MAPK1IP1L: variants seen among roughly 807,000 people sequenced by gnomAD.
The protein encoded by MAPK1IP1L is mitogen-activated protein kinase 1 interacting protein 1 like.
In MAPK1IP1L, 10 loss-of-function variants were observed where a neutral mutation model predicts 18.1. The ratio of observed to expected loss-of-function variants is 0.55; its 90% CI spans 0.34 to 0.94. The LOEUF is 0.94. Among genes scored for constraint, MAPK1IP1L ranks in the 40% least tolerant of loss-of-function variants. MAPK1IP1L has a pLI of 0.02. For missense variants in MAPK1IP1L, 260 were observed against 318.2 expected, an observed-to-expected ratio of 0.82 and a Z score of 1.39; for synonymous variants, 115 against 117.3, an observed-to-expected ratio of 0.98 and a Z score of 0.13.
At chr14:55,059,062 G>A (rs923764535) in intron 1 of MAPK1IP1L, among the ~76,000 whole-genome samples, 7 of 151,590 alleles carry the variant, frequency 4.6e-5, no homozygotes, top group Non-Finnish European at 1.0e-4. Flanking sequence ...CTCAGGTACC[G>A]AGGGACTATA....
In MAPK1IP1L at chr14:55,068,326, AAAT is replaced by A. The variant is rs1461206597; in HGVS notation, c.*3703_*3705del. 3.3e-5 allele frequency: 5 copies of A among 152,770 alleles called. No individual in the cohort carries two copies. The highest frequency in any genetic ancestry group is 2.6e-4 in the Admixed American group (4 of 15,300). The allele number at this position is 152,770 out of a possible 1,614,324, so 9.5% of individuals were successfully genotyped here. A position where few individuals can be genotyped will look rare whatever the true frequency, so the allele number is the denominator to read the frequency against. On this transcript the variant is annotated 3_prime_UTR_variant, in exon 4 of 4. Transcript: ENST00000395468. Reference sequence around the variant, plus strand: ...ATCAATTTGCCCATGATTACCTCACAAATAATTAGTGCTACCTGGGGTACTCTC... The same window carrying A: ...ATCAATTTGCCCATGATTACCTCACAAATTAGTGCTACCTGGGGTACTCTC...
rs750889266 is a variant in MAPK1IP1L at position 55,061,690 on chromosome 14, G to C, written c.7G>C (p.Asp3His). ...CTTTTCTTTTTTTAGGAAAATGTCT[G>C]ATGAATTTTCGGTAAGTTGATCAGT... is the stretch of plus-strand genomic sequence containing the variant. The part of the protein sequence containing the change: MS[D>H]EFSLADALPE... Residue 3 changes from aspartate to histidine, a missense_variant, in exon 2 of 4, where the codon GAT becomes CAT. Transcript: ENST00000395468. The C allele has an allele frequency of 2.6e-6, 4 of 1,566,900 alleles. No individual in the cohort carries two copies. The South Asian group carries it at 4.7e-5, about 18-fold the overall frequency.
chr14:55,053,771 C>T (rs2140256400), intron 1 of MAPK1IP1L, among the ~76,000 whole-genome samples: 1 of 152,288 alleles, frequency 6.6e-6, no homozygotes, highest in East Asian at 1.9e-4. Context: ...CGGCTCTTTC[C>T]TTATGGTCCT....
At position 55,067,016 on chromosome 14, in the gene MAPK1IP1L, G is replaced by C. The variant is rs1056562772; in HGVS notation, c.*2389G>C. The C allele has an allele frequency of 6.6e-6, 1 of 150,708 alleles. No individual in the cohort carries two copies. Among genetic ancestry groups the C allele is most frequent in the Admixed American group, 6.6e-5 (1 of 15,104 alleles). 9.3% of individuals were successfully genotyped at this position (150,708 alleles called of 1,614,324 possible). A position where few individuals can be genotyped will look rare whatever the true frequency, so the allele number is the denominator to read the frequency against. ...AGGTTCACACCATTCTCCTGCCTCA[G>C]CCTCCCAAGCAGCTGGGACTACAGG... On this transcript the variant is annotated 3_prime_UTR_variant, in exon 4 of 4. Coordinates refer to ENST00000395468, the MANE Select transcript of MAPK1IP1L (RefSeq NM_144578.4).
intron 1 of MAPK1IP1L, among the ~76,000 whole-genome samples, chr14:55,056,807 C>T (rs1183423093): frequency 6.6e-6 from 1 of 152,172 alleles, no homozygotes; most frequent in Non-Finnish European, 1.5e-5. Context: ...CCGCGCCCGG[C>T]CATGTTTTTT....
chr14:55,063,143 G>T lies in MAPK1IP1L; in HGVS notation c.544G>T (p.Ala182Ser), dbSNP rs781642160. 8 of 1,613,896 alleles carry T rather than the reference G, an allele frequency of 5.0e-6. No individual in the cohort carries two copies. The South Asian group carries it at 8.8e-5, about 18-fold the overall frequency. Reference sequence around the variant, plus strand: ...ATATCCCGCTCCTCCTCCTCCCCAAGCCCCTGGGGCAGCACCACCTGTTCC... The same window carrying T: ...ATATCCCGCTCCTCCTCCTCCCCAATCCCCTGGGGCAGCACCACCTGTTCC... ...GPYPAPPPPQAPGAAPPVPWG... is the reference protein window; with the variant it reads ...GPYPAPPPPQSPGAAPPVPWG... The change falls in exon 3 of 4, where the codon GCC becomes TCC. Residue 182 changes from alanine (A) to serine (S), a missense_variant. Transcript: ENST00000395468.
chr14:55,063,084 C>T lies in MAPK1IP1L; in HGVS notation c.485C>T (p.Pro162Leu), dbSNP rs1175047126. The T allele has an allele frequency of 1.9e-6, 3 of 1,613,416 alleles. No individual in the cohort carries two copies. The South Asian group carries it at 3.3e-5, about 18-fold the overall frequency. The change falls in exon 3 of 4, where the codon CCT becomes CTT. Residue 162 changes from proline to leucine, a missense_variant. By Grantham distance (98) the Pro-to-Leu change is moderately conservative. Transcript: ENST00000395468. ...GCGCCAGGAATGGGAGGGCAGTATC[C>T]TACCCCTAATATGCCATATCCATCT... is the stretch of plus-strand genomic sequence containing the variant. ...PWAPGMGGQY[P>L]TPNMPYPSPG... is the part of the protein sequence containing the mutation.
rs1249488429 is a variant in MAPK1IP1L, at chr14:55,065,693, G to C, written c.*1066G>C. 2 of 152,152 alleles carry C rather than the reference G, an allele frequency of 1.3e-5. No individual in the cohort carries two copies. The highest frequency in any genetic ancestry group is 2.1e-4 in the South Asian group (1 of 4,834). The allele number at this position is 152,152 out of a possible 1,614,324, so 9.4% of individuals were successfully genotyped here. On this transcript the variant is annotated 3_prime_UTR_variant, in exon 4 of 4. Transcript: ENST00000395468. ...AACCTTAAGTCATGCAGACATGACT[G>C]TTCTCTTTGTACAAGTGTGAATCAA...
At chr14:55,052,868 C>T (rs902572759) in intron 1 of MAPK1IP1L, among the ~76,000 whole-genome samples, 2 of 152,182 alleles carry the variant, frequency 1.3e-5, no homozygotes, top group African/African-American at 4.8e-5. Flanking sequence ...AATCCATCCC[C>T]AGTCTCTTAA....
At chr14:55,055,373 C>T (rs2042763122) in intron 1 of MAPK1IP1L, among the ~76,000 whole-genome samples, 1 of 152,136 alleles carries the variant, frequency 6.6e-6, no homozygotes. Flanking sequence ...AAGTATTCTC[C>T]AAAGAACAAA....
rs1219404547 is a variant in MAPK1IP1L, at chr14:55,068,505, G to C, written c.*3878G>C. On this transcript the variant is annotated 3_prime_UTR_variant, in exon 4 of 4. Coordinates refer to ENST00000395468, the MANE Select transcript of MAPK1IP1L (RefSeq NM_144578.4). The stretch of plus-strand genomic sequence containing the variant: ...TTCTCACCCTGAATGATAGAAGCTA[G>C]CTTTATCAAATGCCAAGGTTAGAAA... 6.6e-6 allele frequency: 1 copy of C among 152,590 alleles called. No homozygotes were observed. The highest frequency in any genetic ancestry group is 2.4e-5 in the African/African-American group (1 of 41,442). 9.5% of individuals were successfully genotyped at this position (152,590 alleles called of 1,614,324 possible).
At chr14:55,056,851 A>G (rs958749630) in intron 1 of MAPK1IP1L, among the ~76,000 whole-genome samples, 3 of 152,106 alleles carry the variant, frequency 2.0e-5, no homozygotes, top group African/African-American at 7.2e-5. Flanking sequence ...AGCAGTTGGG[A>G]TAGGCTTGGG....
At chr14:55,059,577 A>G (rs1003187996) in intron 1 of MAPK1IP1L, among the ~76,000 whole-genome samples, 1 of 152,232 alleles carries the variant, frequency 6.6e-6, no homozygotes, top group East Asian at 1.9e-4. Context: ...ACTGTTTCAA[A>G]AAGAAAAGAA....
rs986451540 is a variant in MAPK1IP1L at position 55,067,363 on chromosome 14, C to T, written c.*2736C>T. 1.3e-5 allele frequency: 2 copies of T among 151,800 alleles called. No homozygotes were observed. The highest frequency in any genetic ancestry group is 2.4e-5 in the African/African-American group (1 of 41,296). The allele number at this position is 151,800 out of a possible 1,614,324, so 9.4% of individuals were successfully genotyped here. A position where few individuals can be genotyped will look rare whatever the true frequency, so the allele number is the denominator to read the frequency against. ...TCGGTGTGGAGTTAAGAAAAGCAGG[C>T]GTTTTAGTGGAGAAATGGGGAACAG... On this transcript the variant is annotated 3_prime_UTR_variant, in exon 4 of 4. Transcript: ENST00000395468.
chr14:55,063,633 G>C (rs887810645), intron 3 of MAPK1IP1L, among the ~76,000 whole-genome samples: 3 of 151,950 alleles, frequency 2.0e-5, no homozygotes, highest in African/African-American at 7.3e-5. Flanking sequence ...TGGGCTTTTT[G>C]TTTTATTATT....
Position 55,063,285 on chromosome 14 carries a change from C to T in MAPK1IP1L, c.686C>T (p.Ser229Leu). ...PTPSNPFQVP[S>L]GPSGAPPMPG... The stretch of plus-strand genomic sequence containing the variant: ...CCCAGTAATCCTTTCCAAGTGCCTT[C>T]AGGACCTTCTGGTGCTCCACCAATG... The change falls in exon 3 of 4, where the codon TCA becomes TTA. Residue 229 changes from serine (S) to leucine (L), a missense_variant. Ser to Leu is a moderately radical substitution (Grantham distance 145). Coordinates refer to ENST00000395468, the MANE Select transcript of MAPK1IP1L (RefSeq NM_144578.4). 1 of 1,613,996 alleles carries T rather than the reference C, an allele frequency of 6.2e-7. No individual in the cohort carries two copies. Among genetic ancestry groups the T allele is most frequent in the Non-Finnish European group, 8.5e-7 (1 of 1,179,910 alleles).
chr14:55,052,389 C>A (rs191363472), intron 1 of MAPK1IP1L, among the ~76,000 whole-genome samples: 227 of 152,264 alleles, frequency 1.5e-3, no homozygotes, highest in African/African-American at 5.2e-3. Context: ...GAATTGCTCA[C>A]GGATACATTA....
intron 3 of MAPK1IP1L, 22 bp from the exon 4 acceptor site, chr14:55,064,594 C>A: frequency 6.2e-7 from 1 of 1,611,492 alleles, no homozygotes; most frequent in South Asian, 1.1e-5. Context: ...TAGAAGTTGA[C>A]TTTTTCTTTT....
At chr14:55,053,195 G>A (rs1350142917) in intron 1 of MAPK1IP1L, among the ~76,000 whole-genome samples, 1 of 152,302 alleles carries the variant, frequency 6.6e-6, no homozygotes. Context: ...TCCAGGCAGC[G>A]ACTAAGAGAT....
Sources: allele counts gnomAD v4.1 joint callset (sites outside exome capture counted in the v4.1 genomes callset), GRCh38; gene constraint gnomAD v4.1.1; transcripts MANE v1.5; gene names NCBI Gene and HGNC (gene_info 2026-07-23, HGNC 2026-07-21).